The following UNC5A variants were observed in gnomAD, a reference collection of about 807,000 sequenced individuals.
The protein encoded by UNC5A is netrin receptor UNC5A.
Under a neutral mutation model 87.4 loss-of-function variants are expected in UNC5A, and 20 were observed. The ratio of observed to expected loss-of-function variants is 0.23; its 90% CI spans 0.16 to 0.33. The LOEUF (loss-of-function observed/expected upper bound fraction) is 0.33, where lower values mean the gene tolerates loss of function less well. Ranked by LOEUF, UNC5A falls within the 10% of genes least tolerant of loss-of-function variation. UNC5A has a pLI of 1.00. For missense variants in UNC5A, 844 were observed against 1,133.4 expected (o/e 0.74, Z 3.67); for synonymous variants, 438 against 482.3 (o/e 0.91, Z 1.20).
At chr5:176,851,625 G>A (rs1171431993) in intron 1 of UNC5A, among the ~76,000 whole-genome samples, 2 of 152,234 alleles carry the variant, frequency 1.3e-5, no homozygotes, top group Non-Finnish European at 2.9e-5. Context: ...GGCCATGGCG[G>A]GCTGCAGCCT....
rs201308103 is a variant in UNC5A, at chr5:176,870,367, T to C, written c.722-3T>C. On this transcript the variant is annotated splice_polypyrimidine_tract_variant and splice_region_variant and intron_variant, in intron 5 of 14. Coordinates refer to ENST00000329542, the MANE Select transcript of UNC5A (RefSeq NM_133369.3). Reference sequence around the variant, plus strand: ...GTCTCCTCTCTGCTTGTCTCTCATCTAGTGGACGGCAGCTGGAGCCCGTGG... The same window carrying C: ...GTCTCCTCTCTGCTTGTCTCTCATCCAGTGGACGGCAGCTGGAGCCCGTGG... The C allele has an allele frequency of 1.2e-6, 2 of 1,610,912 alleles. No individual in the cohort carries two copies. Among genetic ancestry groups the C allele is most frequent in the African/African-American group, 1.3e-5 (1 of 74,940 alleles).
intron 1 of UNC5A, 103 bp from the exon 2 acceptor site, chr5:176,862,521 C>G: frequency 9.3e-7 from 1 of 1,074,598 alleles, no homozygotes; most frequent in Non-Finnish European, 1.4e-6. Context: ...GACTCACTCT[C>G]CTCCCATCTG....
chr5:176,842,445 C>T (rs926635890), intron 1 of UNC5A, among the ~76,000 whole-genome samples: 1 of 151,756 alleles, frequency 6.6e-6, no homozygotes, highest in Non-Finnish European at 1.5e-5. Context: ...ATTGCACAGT[C>T]GTGGAACCAA....
intron 1 of UNC5A, among the ~76,000 whole-genome samples, chr5:176,832,076 T>C (rs796403429): frequency 3.9e-5 from 6 of 152,126 alleles, no homozygotes; most frequent in African/African-American, 1.4e-4. Context: ...TTTGTATTTT[T>C]ATTAGAGACG....
intron 1 of UNC5A, among the ~76,000 whole-genome samples, chr5:176,849,459 C>T (rs1283266535): frequency 6.6e-6 from 1 of 152,188 alleles, no homozygotes; most frequent in Admixed American, 6.5e-5. Flanking sequence ...GTGGCATGCA[C>T]CCATAATCCC....
intron 5 of UNC5A, among the ~76,000 whole-genome samples, 198 bp from the exon 6 acceptor site, chr5:176,870,172 C>G (rs1346364887): frequency 6.6e-6 from 1 of 152,202 alleles, no homozygotes; most frequent in Admixed American, 6.5e-5. Context: ...ATCCGCGCCT[C>G]CCTGTCATTA....
intron 1 of UNC5A, among the ~76,000 whole-genome samples, chr5:176,855,421 G>A (rs982308331): frequency 6.6e-6 from 1 of 152,220 alleles, no homozygotes; most frequent in East Asian, 1.9e-4. Context: ...GGATGGGAGA[G>A]GGGGAGCGTG....
Position 176,855,304 on chromosome 5 carries a change from A to G in UNC5A, c.71-7320A>G, listed in dbSNP as rs1468363173. On this transcript the variant is annotated intron_variant, in intron 1 of 14. Coordinates refer to ENST00000329542, the MANE Select transcript of UNC5A (RefSeq NM_133369.3). The stretch of plus-strand genomic sequence containing the variant: ...CCAGGGCTCCATGCCCACGGCTCCA[A>G]GCTCAGCACAGGGAGAGGGTCTCCC... Among the ~76,000 whole-genome samples, 5 of 152,220 alleles carry G rather than the reference A, an allele frequency of 3.3e-5. No individual in the cohort carries two copies. In the East Asian group the frequency reaches 9.6e-4, roughly 29 times the overall value.
chr5:176,847,979 C>T (rs1489102463), intron 1 of UNC5A, among the ~76,000 whole-genome samples: 2 of 152,126 alleles, frequency 1.3e-5, no homozygotes, highest in African/African-American at 4.8e-5. Context: ...AGGTCAGGCC[C>T]AGGGAAGGGC....
At chr5:176,834,485 G>C (rs1463980268) in intron 1 of UNC5A, among the ~76,000 whole-genome samples, 4 of 152,204 alleles carry the variant, frequency 2.6e-5, no homozygotes, top group African/African-American at 9.6e-5. Flanking sequence ...AGGACCCTAA[G>C]GGGAAGAAAA....
At chr5:176,852,714 T>TC (rs1466301606) in intron 1 of UNC5A, among the ~76,000 whole-genome samples, 2 of 151,952 alleles carry the variant, frequency 1.3e-5, no homozygotes, top group Admixed American at 6.6e-5. Context: ...ATCACAGCAC[T>TC]CCCCCCGGGA....
chr5:176,878,111 C>A lies in UNC5A; in HGVS notation c.1853C>A (p.Thr618Asn), dbSNP rs767224579. 1.9e-6 allele frequency: 3 copies of A among 1,608,948 alleles called. No individual in the cohort carries two copies. The highest frequency in any genetic ancestry group is 2.5e-6 in the Non-Finnish European group (3 of 1,179,874). The change falls in exon 11 of 15, where the codon ACC (threonine) becomes AAC (asparagine). Residue 618 changes from threonine to asparagine, a missense_variant. Around this residue, in one of 3 missense-constraint regions of UNC5A, gnomAD observed 353 missense variants for 387.5 expected, o/e 0.91. Coordinates refer to ENST00000329542, the MANE Select transcript of UNC5A (RefSeq NM_133369.3). ...ATCCGGGTCTACTGCCTGCATGACA[C>A]CCACGATGCACTCAAGGTATCTCCC... ...YNIRVYCLHDTHDALKEVVQL... is the reference protein window; with the variant it reads ...YNIRVYCLHDNHDALKEVVQL...
Position 176,810,666 on chromosome 5 carries a change from G to A in UNC5A, c.-85G>A, listed in dbSNP as rs1221457982. On this transcript the variant is annotated 5_prime_UTR_variant, in exon 1 of 15. Coordinates refer to ENST00000329542, the MANE Select transcript of UNC5A (RefSeq NM_133369.3). The surrounding 1 kb of genome is among the most constrained non-coding windows in gnomAD (Gnocchi z 7.3). Reference sequence around the variant, plus strand: ...GGCATGGGCCCCGGGGGCGCCCCGAGCTGGGGCTCCGGGCTGAGGCGCTAA... The same window carrying A: ...GGCATGGGCCCCGGGGGCGCCCCGAACTGGGGCTCCGGGCTGAGGCGCTAA... The A allele has an allele frequency of 2.2e-6, 1 of 460,394 alleles. No individual in the cohort carries two copies. The highest frequency in any genetic ancestry group is 2.1e-5 in the African/African-American group (1 of 46,782). The allele number at this position is 460,394 out of a possible 1,614,324, so 28.5% of individuals were successfully genotyped here. A position where few individuals can be genotyped will look rare whatever the true frequency, so the allele number is the denominator to read the frequency against.
At chr5:176,826,068 G>A (rs1379682112) in intron 1 of UNC5A, among the ~76,000 whole-genome samples, 1 of 152,268 alleles carries the variant, frequency 6.6e-6, no homozygotes, top group Non-Finnish European at 1.5e-5. Flanking sequence ...CACAGGGAAT[G>A]TGGAGCTGGG....
At chr5:176,843,050 A>C (rs907722028) in intron 1 of UNC5A, among the ~76,000 whole-genome samples, 1 of 151,750 alleles carries the variant, frequency 6.6e-6, no homozygotes, top group Admixed American at 6.6e-5. Context: ...AATCCCAGCT[A>C]CTCAGGAGGC....
At chr5:176,877,031 G>T (rs1000286426) in intron 8 of UNC5A, among the ~76,000 whole-genome samples, 161 bp from the exon 9 acceptor site, 1 of 152,190 alleles carries the variant, frequency 6.6e-6, no homozygotes, top group Admixed American at 6.5e-5. Context: ...CTTCATGCCT[G>T]TGGGGGTGGT....
chr5:176,844,255 T>C lies in UNC5A; in HGVS notation c.71-18369T>C, dbSNP rs977430414. On this transcript the variant is annotated intron_variant, in intron 1 of 14. Coordinates refer to ENST00000329542, the MANE Select transcript of UNC5A (RefSeq NM_133369.3). This position sits in a 1 kb window ranked among gnomAD's most constrained non-coding sequence, Gnocchi z 4.2. ...TCAGGACAGAGCTGGAGAGAACACT[T>C]GGTCCTGGTATCCCGTGGGCCACCG... is the stretch of plus-strand genomic sequence containing the variant. Among the ~76,000 whole-genome samples, 3 of 152,018 alleles carry C rather than the reference T, an allele frequency of 2.0e-5. No individual in the cohort carries two copies. Among genetic ancestry groups the C allele is most frequent in the African/African-American group, 4.8e-5 (2 of 41,390 alleles).
At chr5:176,825,740 G>A (rs1756835695) in intron 1 of UNC5A, among the ~76,000 whole-genome samples, 2 of 152,216 alleles carry the variant, frequency 1.3e-5, no homozygotes, top group South Asian at 2.1e-4. Flanking sequence ...CAGCTCCATG[G>A]CAGCAAAATG....
intron 1 of UNC5A, among the ~76,000 whole-genome samples, chr5:176,816,850 G>T (rs1756599009): frequency 1.3e-5 from 2 of 152,374 alleles, no homozygotes; most frequent in South Asian, 4.1e-4. Context: ...CTGTCTTTGT[G>T]GAAGACGGAG....
Sources: gnomAD v4.1 joint callset for allele counts (sites outside exome capture counted in the v4.1 genomes callset) on GRCh38, gnomAD v4.1.1 for gene constraint, gnomAD v4.1.1 regional missense constraint, Gnocchi (gnomAD v3.1) non-coding constraint, MANE v1.5 for transcripts, NCBI Gene and HGNC (gene_info 2026-07-23, HGNC 2026-07-21) for gene names.